The following CTDSPL variants were observed in gnomAD, a reference collection of about 807,000 sequenced individuals.
The protein encoded by CTDSPL is CTD small phosphatase-like protein.
In CTDSPL, 8 loss-of-function variants were observed where a neutral mutation model predicts 30.5. That is an observed-to-expected ratio of 0.26 (90% confidence interval 0.15 to 0.47). The LOEUF is 0.47. Among genes scored for constraint, CTDSPL ranks in the 20% least tolerant of loss-of-function variants. The pLI, the probability that CTDSPL is intolerant of heterozygous loss-of-function variation, is 0.99. For missense variants in CTDSPL, 248 were observed against 366.1 expected (o/e 0.68, Z 2.63); for synonymous variants, 110 against 137.9 (o/e 0.80, Z 1.42).
intron 1 of CTDSPL, among the ~76,000 whole-genome samples, chr3:37,943,221 A>C (rs1698997156): frequency 6.7e-6 from 1 of 150,306 alleles, no homozygotes; most frequent in Non-Finnish European, 1.5e-5. Flanking sequence ...AGTCAGACAC[A>C]CGTTCATTTG....
At chr3:37,963,401 A>T (rs918854060) in intron 3 of CTDSPL, among the ~76,000 whole-genome samples, 6 of 152,234 alleles carry the variant, frequency 3.9e-5, no homozygotes, top group African/African-American at 1.4e-4. Flanking sequence ...TTTGAACCAA[A>T]AAAATAAAAA....
At chr3:37,955,631 A>C (rs965941026) in intron 2 of CTDSPL, among the ~76,000 whole-genome samples, 1 of 152,162 alleles carries the variant, frequency 6.6e-6, no homozygotes, top group Non-Finnish European at 1.5e-5. Context: ...TATAAGTGAG[A>C]GCTAAACACT....
chr3:37,877,597 A>G (rs942432057), intron 1 of CTDSPL, among the ~76,000 whole-genome samples: 1 of 152,054 alleles, frequency 6.6e-6, no homozygotes, highest in Non-Finnish European at 1.5e-5. Flanking sequence ...TCTTTGGTAT[A>G]TATACAGAAG....
intron 6 of CTDSPL, among the ~76,000 whole-genome samples, chr3:37,974,847 T>C (rs945885611): frequency 1.8e-4 from 27 of 152,284 alleles, no homozygotes; most frequent in Admixed American, 1.6e-3. Flanking sequence ...GTCATGCCAT[T>C]CAAGACACAT....
chr3:37,959,644 C>T (rs1699213700), intron 3 of CTDSPL, among the ~76,000 whole-genome samples: 1 of 152,126 alleles, frequency 6.6e-6, no homozygotes, highest in Non-Finnish European at 1.5e-5. Flanking sequence ...ACTTTGTTTC[C>T]ACTTCTGTGC....
At chr3:37,960,468 A>C (rs1273972266) in intron 3 of CTDSPL, among the ~76,000 whole-genome samples, 6 of 112,848 alleles carry the variant, frequency 5.3e-5, no homozygotes, top group African/African-American at 1.1e-4. Flanking sequence ...CAACAAGAGC[A>C]AAACTCTGTC....
intron 1 of CTDSPL, among the ~76,000 whole-genome samples, chr3:37,890,016 G>A (rs1364337702): frequency 6.6e-6 from 1 of 152,128 alleles, no homozygotes; most frequent in Non-Finnish European, 1.5e-5. Context: ...TCATCAAAAT[G>A]AGGAAATAAA....
At chr3:37,974,120 A>T (rs1467251665) in intron 6 of CTDSPL, among the ~76,000 whole-genome samples, 1 of 152,182 alleles carries the variant, frequency 6.6e-6, no homozygotes, top group Non-Finnish European at 1.5e-5. Context: ...TTCTTCTTCC[A>T]ATGTGGCCCA....
At chr3:37,921,146 T>C (rs1446211624) in intron 1 of CTDSPL, among the ~76,000 whole-genome samples, 1 of 152,242 alleles carries the variant, frequency 6.6e-6, no homozygotes, top group Non-Finnish European at 1.5e-5. Flanking sequence ...CATCGTTTTA[T>C]CTTTTCCTCA....
chr3:37,977,264 T>A (rs973175287), intron 7 of CTDSPL, among the ~76,000 whole-genome samples: 3 of 152,204 alleles, frequency 2.0e-5, no homozygotes, highest in African/African-American at 7.2e-5. Context: ...CCAGACTGTG[T>A]TCATATTGTC....
At chr3:37,971,084 G>C (rs1699361911) in intron 5 of CTDSPL, among the ~76,000 whole-genome samples, 2 of 152,210 alleles carry the variant, frequency 1.3e-5, no homozygotes. Context: ...CACGTGAAAT[G>C]AATGAGTCAT....
At chr3:37,928,390 T>G (rs2125613931) in intron 1 of CTDSPL, among the ~76,000 whole-genome samples, 1 of 152,340 alleles carries the variant, frequency 6.6e-6, no homozygotes, top group Non-Finnish European at 1.5e-5. Flanking sequence ...AGGCAAAACT[T>G]ATTTTTCTTT....
intron 1 of CTDSPL, among the ~76,000 whole-genome samples, chr3:37,905,107 A>G (rs967999430): frequency 6.6e-5 from 10 of 152,236 alleles, no homozygotes; most frequent in African/African-American, 2.4e-4. Context: ...GGAATGAATG[A>G]ATATAAAAAG....
intron 3 of CTDSPL, among the ~76,000 whole-genome samples, chr3:37,960,537 C>T (rs7431123): frequency 4.8e-3 from 218 of 45,144 alleles, no homozygotes; most frequent in Non-Finnish European, 5.4e-3. Context: ...TATATATATA[C>T]ACACACACAC....
In CTDSPL at chr3:37,969,473, G is replaced by A. The variant is rs182070256; in HGVS notation, c.426+1591G>A. ...TGGGCCTATTCTTGGTTACTTGCAC[G>A]GGGACGCGGGCCTGGACGCCGGCAT... On this transcript the variant is annotated intron_variant, in intron 5 of 7. Coordinates refer to ENST00000273179, the MANE Select transcript of CTDSPL (RefSeq NM_001008392.2). 401 of 505,800 alleles carry A rather than the reference G, an allele frequency of 7.9e-4. 1 individual carries two copies. The highest frequency in any genetic ancestry group is 1.3e-3 in the Middle Eastern group (4 of 3,018). The allele number at this position is 505,800 out of a possible 1,614,324, so 31.3% of individuals were successfully genotyped here.
chr3:37,941,385 C>T (rs1167031761), intron 1 of CTDSPL, among the ~76,000 whole-genome samples: 2 of 149,356 alleles, frequency 1.3e-5, no homozygotes, highest in Non-Finnish European at 3.0e-5. Flanking sequence ...GTGCTGGGAC[C>T]GGCTATGGGC....
At chr3:37,926,675 T>C (rs1311882394) in intron 1 of CTDSPL, among the ~76,000 whole-genome samples, 1 of 152,250 alleles carries the variant, frequency 6.6e-6, no homozygotes, top group Non-Finnish European at 1.5e-5. Flanking sequence ...AGAAGTTTGA[T>C]ACAATTATGG....
At chr3:37,877,232 A>G (rs911004544) in intron 1 of CTDSPL, among the ~76,000 whole-genome samples, 1 of 152,194 alleles carries the variant, frequency 6.6e-6, no homozygotes, top group Admixed American at 6.5e-5. Context: ...TCATATTGCA[A>G]AAACGAAACT....
intron 6 of CTDSPL, among the ~76,000 whole-genome samples, chr3:37,973,440 C>A (rs544320242): frequency 6.6e-6 from 1 of 152,372 alleles, no homozygotes; most frequent in South Asian, 2.1e-4. Context: ...GGATGGCTCC[C>A]ACCTGCCCCA....
Sources: gnomAD v4.1 joint callset for allele counts (sites outside exome capture counted in the v4.1 genomes callset) on GRCh38, gnomAD v4.1.1 for gene constraint, MANE v1.5 for transcripts, NCBI Gene and HGNC (gene_info 2026-07-23, HGNC 2026-07-21) for gene names.